HDAC9: variants seen among roughly 807,000 people sequenced by gnomAD.
HDAC9 encodes MEF-2 interacting transcription repressor (MITR) protein.
A neutral mutation model predicts 139.4 loss-of-function variants in HDAC9; 41 were observed. The observed-to-expected ratio is 0.29, with a 90% CI of 0.23 to 0.38. The LOEUF is 0.38. Ranked by LOEUF, HDAC9 falls within the 10% of genes least tolerant of loss-of-function variation. HDAC9 has a pLI of 1.00. For missense variants in HDAC9, 1,147 were observed against 1,297.0 expected (o/e 0.88, Z 1.78); for synonymous variants, 517 against 476.2 (o/e 1.09, Z -1.12).
intron 2 of HDAC9, among the ~76,000 whole-genome samples, chr7:18,228,945 A>G (rs993392582): frequency 1.3e-5 from 2 of 152,200 alleles, no homozygotes; most frequent in Non-Finnish European, 2.9e-5. Context: ...AAAATCCAGT[A>G]TGGGAACCCA....
At chr7:18,547,876 C>CCTCCCTCTCTCCCTCT (rs1199432732) in intron 2 of HDAC9, among the ~76,000 whole-genome samples, 2 of 131,954 alleles carry the variant, frequency 1.5e-5, no homozygotes, top group South Asian at 2.5e-4. Context: ...TCCCTCCCTC[C>CCTCCCTCTCTCCCTCT]CTCCCTCTCT....
intron 6 of HDAC9, among the ~76,000 whole-genome samples, chr7:18,596,178 T>A (rs1222348917): frequency 6.6e-6 from 1 of 152,098 alleles, no homozygotes; most frequent in Non-Finnish European, 1.5e-5. Context: ...TGTTGATCTG[T>A]AAAACCAAAC....
At chr7:18,124,507 A>G (rs901669761) in intron 1 of HDAC9, among the ~76,000 whole-genome samples, 3 of 152,142 alleles carry the variant, frequency 2.0e-5, no homozygotes, top group Non-Finnish European at 4.4e-5. Context: ...ACAATAGTGA[A>G]CCTTCCAAAG....
Position 18,594,341 on chromosome 7 carries a change from A to G in HDAC9, c.664+312A>G, listed in dbSNP as rs1026779538. Among the ~76,000 whole-genome samples, 7 of 152,276 alleles carry G rather than the reference A, an allele frequency of 4.6e-5. No homozygotes were observed. In the East Asian group the frequency reaches 1.2e-3, roughly 25 times the overall value. ...ATCTCGGAAAATCTAACTCTTCTCC[A>G]TTAGATAGGGCCTCTGTAATATCTT... On this transcript the variant is annotated intron_variant, in intron 6 of 25. Coordinates refer to ENST00000686413, the MANE Select transcript of HDAC9 (RefSeq NM_178425.4).
intron 6 of HDAC9, among the ~76,000 whole-genome samples, chr7:18,623,718 C>T (rs909687077): frequency 3.9e-5 from 6 of 152,100 alleles, no homozygotes; most frequent in Admixed American, 2.6e-4. Context: ...CCAAGGCGGG[C>T]GGATTACAAG....
At chr7:18,930,617 A>AT (rs1024469795) in intron 22 of HDAC9, among the ~76,000 whole-genome samples, 7 of 122,340 alleles carry the variant, frequency 5.7e-5, no homozygotes, top group African/African-American at 8.6e-5. Flanking sequence ...GGATAATAAA[A>AT]TTAAAAAAAA....
rs73309549 is a variant in HDAC9 at position 18,498,270 on chromosome 7, C to T, written c.22+1946C>T. ...TCACCTAGTCTTTATTGTATACTTC[C>T]TGTGAGGCACTGGCTCTCAAAGTTG... On this transcript the variant is annotated intron_variant, in intron 2 of 25. Coordinates refer to ENST00000686413, the MANE Select transcript of HDAC9 (RefSeq NM_178425.4). 9.0e-3 allele frequency among the ~76,000 whole-genome samples: 1,371 copies of T among 152,164 alleles called. 20 individuals are homozygous for T. The highest frequency in any genetic ancestry group is 0.031 in the African/African-American group (1,282 of 41,524).
chr7:18,938,030 G>A (rs1034805), intron 23 of HDAC9, among the ~76,000 whole-genome samples: 40,008 of 152,032 alleles, frequency 0.26, 5,904 homozygotes, highest in Non-Finnish European at 0.33. Context: ...TGTGTTTACT[G>A]TAAAGCAAAG....
At chr7:18,286,540 A>G (rs1797466149), upstream of HDAC9, among the ~76,000 whole-genome samples, 2 of 151,672 alleles carry the variant, frequency 1.3e-5, no homozygotes, top group Non-Finnish European at 2.9e-5. Context: ...ATCAGCTTTG[A>G]ATCATTTCTA....
intron 2 of HDAC9, among the ~76,000 whole-genome samples, chr7:18,541,272 G>T (rs1295889525): frequency 6.7e-6 from 1 of 149,688 alleles, no homozygotes; most frequent in Non-Finnish European, 1.5e-5. Flanking sequence ...ATGCATGGAT[G>T]GGTGCCTTTT....
intron 2 of HDAC9, among the ~76,000 whole-genome samples, chr7:18,219,742 T>C (rs1399953439): frequency 6.6e-6 from 1 of 152,196 alleles, no homozygotes. Context: ...CTGAACAGTT[T>C]TCTGGATTTC....
At chr7:18,227,932 C>T (rs1793177586) in intron 2 of HDAC9, among the ~76,000 whole-genome samples, 1 of 152,086 alleles carries the variant, frequency 6.6e-6, no homozygotes, top group African/African-American at 2.4e-5. Flanking sequence ...TATTCATTTT[C>T]CCCTGTGTTA....
chr7:18,943,838 C>G (rs1333016038), intron 23 of HDAC9, among the ~76,000 whole-genome samples: 3 of 151,972 alleles, frequency 2.0e-5, no homozygotes, highest in African/African-American at 7.2e-5. Context: ...TTCTTTATTG[C>G]TGTGTTGATA....
chr7:18,774,996 G>T (rs750480986), intron 16 of HDAC9, among the ~76,000 whole-genome samples: 1 of 144,844 alleles, frequency 6.9e-6, no homozygotes, highest in South Asian at 2.2e-4. Flanking sequence ...AGAGGCTATC[G>T]TAGGGTTATT....
At chr7:18,235,236 C>A (rs1461190249) in intron 2 of HDAC9, among the ~76,000 whole-genome samples, 2 of 151,976 alleles carry the variant, frequency 1.3e-5, no homozygotes, top group Non-Finnish European at 2.9e-5. Context: ...AAGAGAAAAT[C>A]TTTATCACTT....
chr7:18,205,190 T>G (rs1791413037), intron 2 of HDAC9, among the ~76,000 whole-genome samples: 1 of 152,158 alleles, frequency 6.6e-6, no homozygotes, highest in South Asian at 2.1e-4. Context: ...CCAGTTGTTT[T>G]AAATTTCCCC....
At chr7:18,880,040 A>G (rs761483708) in intron 22 of HDAC9, among the ~76,000 whole-genome samples, 8 of 152,204 alleles carry the variant, frequency 5.3e-5, no homozygotes, top group Non-Finnish European at 5.9e-5. Context: ...ATATGCAGCC[A>G]ACAAGCATAT....
chr7:18,799,892 A>G (rs1176906119), intron 17 of HDAC9, among the ~76,000 whole-genome samples: 1 of 152,246 alleles, frequency 6.6e-6, no homozygotes, highest in Non-Finnish European at 1.5e-5. Flanking sequence ...CAATAAAAAC[A>G]TTAATCAACA....
rs531937351 is a variant in HDAC9 at position 18,565,198 on chromosome 7, G to T, written c.23-20083G>T. ...TTTAGTACAGACGGGGTTTCTCCAC[G>T]TTGGTCAGGCTGATCTCAAACTGCC... On this transcript the variant is annotated intron_variant, in intron 2 of 25. Coordinates refer to ENST00000686413, the MANE Select transcript of HDAC9 (RefSeq NM_178425.4). Among the ~76,000 whole-genome samples the T allele has an allele frequency of 1.6e-4, 25 of 152,116 alleles. No individual in the cohort carries two copies. In the East Asian group the frequency reaches 4.1e-3, roughly 25 times the overall value.
Sources: allele counts gnomAD v4.1 joint callset (sites outside exome capture counted in the v4.1 genomes callset), GRCh38; gene constraint gnomAD v4.1.1; transcripts MANE v1.5; gene names NCBI Gene and HGNC (gene_info 2026-07-23, HGNC 2026-07-21).